PROM1: variants seen among roughly 807,000 people sequenced by gnomAD.
PROM1 encodes prominin 1, also known as prominin-1.
Under a neutral mutation model 116.9 loss-of-function variants are expected in PROM1, and 105 were observed. The ratio of observed to expected loss-of-function variants is 0.90; its 90% CI spans 0.77 to 1.06. PROM1 has a LOEUF of 1.06. Among genes scored for constraint, PROM1 ranks in the 50% least tolerant of loss-of-function variants. The probability of loss-of-function intolerance (pLI) is 0.00; values close to 1 mark genes in which losing one functional copy is unlikely to be tolerated. For synonymous variants in PROM1, 393 were observed against 387.0 expected (o/e 1.02, Z -0.18); for missense variants, 1,122 against 1,045.2 (o/e 1.07, Z -1.01).
At chr4:16,000,671 C>T in intron 13 of PROM1, 52 bp from the exon 14 acceptor site, 1 of 1,405,520 alleles carries the variant, frequency 7.1e-7, no homozygotes, top group South Asian at 1.3e-5. Flanking sequence ...TCAATATTAC[C>T]TACTGATACT....
chr4:16,000,996 C>A (rs1193732122), intron 13 of PROM1, among the ~76,000 whole-genome samples: 1 of 152,208 alleles, frequency 6.6e-6, no homozygotes, highest in African/African-American at 2.4e-5. Context: ...AGGAGCACAA[C>A]CCGACTTCTC....
intron 5 of PROM1, among the ~76,000 whole-genome samples, chr4:16,031,595 G>C (rs1019687764): frequency 2.6e-5 from 4 of 152,052 alleles, no homozygotes; most frequent in South Asian, 2.1e-4. Context: ...TGGAGACACA[G>C]AGAAAGAGAC....
intron 15 of PROM1, among the ~76,000 whole-genome samples, chr4:15,995,843 T>C (rs1182288004): frequency 6.6e-6 from 1 of 152,194 alleles, no homozygotes; most frequent in Non-Finnish European, 1.5e-5. Flanking sequence ...CTGTCACCTG[T>C]AAGTATCACT....
At chr4:15,981,547 G>C (rs573548102) in intron 23 of PROM1, among the ~76,000 whole-genome samples, 2 of 151,162 alleles carry the variant, frequency 1.3e-5, no homozygotes, top group East Asian at 4.0e-4. Context: ...ACTCCAGCCT[G>C]GGCAACAGAA....
intron 2 of PROM1, among the ~76,000 whole-genome samples, chr4:16,045,370 A>G (rs1736302106): frequency 6.6e-6 from 1 of 152,182 alleles, no homozygotes; most frequent in Non-Finnish European, 1.5e-5. Context: ...CCGAAGCCCA[A>G]GTGGCTGGCA....
At chr4:15,996,506 T>A (rs1031418777) in intron 15 of PROM1, among the ~76,000 whole-genome samples, 1 of 123,260 alleles carries the variant, frequency 8.1e-6, no homozygotes, top group Non-Finnish European at 1.7e-5. Context: ...CGAGACTCCA[T>A]CTCAGAAAAT....
At chr4:15,999,550 G>A (rs540596660) in intron 14 of PROM1, among the ~76,000 whole-genome samples, 3 of 152,122 alleles carry the variant, frequency 2.0e-5, no homozygotes, top group South Asian at 2.1e-4. Context: ...ATGACTGTAC[G>A]CGCTTGAGAA....
At chr4:16,054,867 A>T (rs879597608) in intron 2 of PROM1, among the ~76,000 whole-genome samples, 3 of 151,954 alleles carry the variant, frequency 2.0e-5, no homozygotes, top group Non-Finnish European at 4.4e-5. Context: ...GGGGGAAAAA[A>T]ATCATCCCTA....
At position 16,008,940 on chromosome 4, in the gene PROM1, G is replaced by A. The variant is rs746360905; in HGVS notation, c.1301+9C>T. 1.3e-6 allele frequency: 2 copies of A among 1,570,208 alleles called. No individual in the cohort carries two copies. The highest frequency in any genetic ancestry group is 1.7e-6 in the Non-Finnish European group (2 of 1,144,592). On this transcript the variant is annotated intron_variant, in intron 12 of 27. Transcript: ENST00000447510. ...TCTCGTAGTTCACCAGCTCCAAGGA[G>A]ACACTCACCAGTATGAATCATACTC... is the stretch of plus-strand genomic sequence containing the variant.
intron 6 of PROM1, 59 bp downstream of exon 6, chr4:16,025,132 AG>A: frequency 6.5e-7 from 1 of 1,549,384 alleles, no homozygotes; most frequent in East Asian, 2.3e-5. Context: ...AAATATACAC[AG>A]GAACTCCAAA....
At chr4:16,055,249 A>G in intron 2 of PROM1, 1 of 357,448 alleles carries the variant, frequency 2.8e-6, no homozygotes, top group South Asian at 2.2e-5. Context: ...TTCTTGATAA[A>G]TTAGGCTGGT....
chr4:16,040,526 T>TATTAAAATATACTTAGCTGCACAGC (rs1262564196), intron 2 of PROM1, among the ~76,000 whole-genome samples: 2 of 152,260 alleles, frequency 1.3e-5, no homozygotes, highest in African/African-American at 4.8e-5. Flanking sequence ...ATCATCTGTT[T>TATTAAAATATACTTAGCTGCACAGC]ATTAAAATAT....
In PROM1 at chr4:16,052,090, T is replaced by C. The variant is rs80092860; in HGVS notation, c.221-13089A>G. ...TTGGATCTATATCTACGCCTGTTTA[T>C]GAGCTATGGGATTGGAAACCCACAG... On this transcript the variant is annotated intron_variant, in intron 2 of 27. Transcript: ENST00000447510. Among the ~76,000 whole-genome samples, 1,376 of 152,318 alleles carry C rather than the reference T, an allele frequency of 9.0e-3. 5 individuals are homozygous for C. Among genetic ancestry groups the C allele is most frequent in the Non-Finnish European group, 0.014 (958 of 68,020 alleles).
chr4:16,057,663 C>T (rs1739358541), intron 2 of PROM1, among the ~76,000 whole-genome samples: 1 of 152,206 alleles, frequency 6.6e-6, no homozygotes, highest in South Asian at 2.1e-4. Flanking sequence ...CTCTATTTCC[C>T]TTCTCTAGTT....
rs147113481 is a variant in PROM1 at position 16,031,541 on chromosome 4, C to G, written c.509+1763G>C. On this transcript the variant is annotated intron_variant, in intron 5 of 27. Coordinates refer to ENST00000447510, the MANE Select transcript of PROM1 (RefSeq NM_006017.3). ...CTACTGACCTGATCCCAAACTGCCT[C>G]TCAAAATCAAATGTGAAAAAAATAG... 4.9e-4 allele frequency among the ~76,000 whole-genome samples: 75 copies of G among 152,088 alleles called. 1 individual carries two copies. Among genetic ancestry groups the G allele is most frequent in the African/African-American group, 1.7e-3 (71 of 41,442 alleles).
intron 15 of PROM1, among the ~76,000 whole-genome samples, chr4:15,994,878 G>A (rs1347663667): frequency 6.6e-6 from 1 of 152,196 alleles, no homozygotes; most frequent in Non-Finnish European, 1.5e-5. Context: ...CAGAGAACAA[G>A]CGGGTTGGTG....
intron 2 of PROM1, among the ~76,000 whole-genome samples, chr4:16,049,759 A>T (rs1042607598): frequency 5.3e-5 from 8 of 151,726 alleles, no homozygotes; most frequent in Non-Finnish European, 2.9e-5. Context: ...TTATTATTAT[A>T]TTCAATAGGA....
Position 16,006,621 on chromosome 4 carries a change from C to T in PROM1, c.1371G>A (p.Leu457=). The change falls in exon 13 of 28, where the codon CTG becomes CTA. Residue 457 remains leucine (L), a synonymous_variant. Transcript: ENST00000447510. Reference sequence around the variant, plus strand: ...GCCTGTCATAGCCGCACACGCCACACAGTAAGCCCAGGTAGTAAAAAATCA... The same window carrying T: ...GCCTGTCATAGCCGCACACGCCACATAGTAAGCCCAGGTAGTAAAAAATCA... ...LIVIFYYLGL[L]CGVCGYDRHA... is the part of the protein sequence containing the mutation. 1.2e-6 allele frequency: 2 copies of T among 1,611,940 alleles called. No homozygotes were observed. Among genetic ancestry groups the T allele is most frequent in the South Asian group, 1.1e-5 (1 of 90,426 alleles).
chr4:16,048,072 A>C (rs1736948126), intron 2 of PROM1, among the ~76,000 whole-genome samples: 1 of 152,170 alleles, frequency 6.6e-6, no homozygotes. Flanking sequence ...GCTTCTCTGA[A>C]AAATATACTT....
Sources: allele counts gnomAD v4.1 joint callset (sites outside exome capture counted in the v4.1 genomes callset), GRCh38; gene constraint gnomAD v4.1.1; transcripts MANE v1.5; gene names NCBI Gene and HGNC (gene_info 2026-07-23, HGNC 2026-07-21).